Variants in TMEM232 observed in about 807,000 individuals in gnomAD.
The protein encoded by TMEM232 is transmembrane protein 232.
A neutral mutation model predicts 78.8 loss-of-function variants in TMEM232; 80 were observed. That is an observed-to-expected ratio of 1.01 (90% CI 0.85 to 1.22). The LOEUF is 1.22. Ranked by LOEUF, TMEM232 falls within the 50% of genes most tolerant of loss-of-function variation. TMEM232 has a pLI of 0.00. For missense variants in TMEM232, 881 were observed against 742.2 expected (o/e 1.19, Z -2.17); for synonymous variants, 297 against 254.3 (o/e 1.17, Z -1.60).
chr5:110,685,835 C>A (rs924784077), intron 1 of TMEM232, among the ~76,000 whole-genome samples: 1 of 152,062 alleles, frequency 6.6e-6, no homozygotes, highest in African/African-American at 2.4e-5. Context: ...ATTAATGCTA[C>A]AAGCAACGAC....
chr5:110,652,843 C>G (rs1017284823), intron 2 of TMEM232, among the ~76,000 whole-genome samples: 6 of 152,238 alleles, frequency 3.9e-5, no homozygotes, highest in African/African-American at 1.4e-4. Context: ...AAGGATTTCA[C>G]AAAGATAATC....
At chr5:110,592,296 T>C (rs1363914076) in intron 10 of TMEM232, among the ~76,000 whole-genome samples, 1 of 152,156 alleles carries the variant, frequency 6.6e-6, no homozygotes, top group Non-Finnish European at 1.5e-5. Flanking sequence ...CCTTGGGACA[T>C]CTTTACCTAA....
chr5:110,574,257 T>G (rs1485124979), intron 10 of TMEM232, among the ~76,000 whole-genome samples: 1 of 152,092 alleles, frequency 6.6e-6, no homozygotes, highest in Admixed American at 6.6e-5. Context: ...ACATTTTACC[T>G]TTTCGCTTCT....
At chr5:110,496,409 A>T (rs1765650746) in intron 12 of TMEM232, among the ~76,000 whole-genome samples, 1 of 152,010 alleles carries the variant, frequency 6.6e-6, no homozygotes, top group South Asian at 2.1e-4. Context: ...TAATTTTCAT[A>T]TCTGTAATGT....
At chr5:110,685,119 C>T (rs949650210) in intron 1 of TMEM232, among the ~76,000 whole-genome samples, 25 of 151,916 alleles carry the variant, frequency 1.6e-4, no homozygotes, top group African/African-American at 4.1e-4. Context: ...AGGTCACCTA[C>T]GGCTCAAAAA....
chr5:110,521,058 T>C (rs1010275849), intron 12 of TMEM232, among the ~76,000 whole-genome samples: 3 of 152,156 alleles, frequency 2.0e-5, no homozygotes, highest in African/African-American at 7.2e-5. Flanking sequence ...AGCTGAGAGC[T>C]GGGCTGGGCT....
chr5:110,586,640 C>T (rs1438677561), intron 10 of TMEM232, among the ~76,000 whole-genome samples: 1 of 151,496 alleles, frequency 6.6e-6, no homozygotes, highest in Admixed American at 6.6e-5. Flanking sequence ...ACATCAAAAA[C>T]ATTCTTAATA....
intron 12 of TMEM232, among the ~76,000 whole-genome samples, chr5:110,499,033 A>T (rs956630301): frequency 6.6e-6 from 1 of 152,200 alleles, no homozygotes; most frequent in African/African-American, 2.4e-5. Flanking sequence ...GTAATACCTT[A>T]AACAACTGCT....
At chr5:110,546,577 G>C (rs910111559) in intron 11 of TMEM232, among the ~76,000 whole-genome samples, 6 of 152,084 alleles carry the variant, frequency 3.9e-5, no homozygotes, top group African/African-American at 1.4e-4. Flanking sequence ...AATTAGGAAA[G>C]GAGAGGAAGA....
At chr5:110,661,938 T>C (rs985193724) in intron 2 of TMEM232, among the ~76,000 whole-genome samples, 3 of 152,162 alleles carry the variant, frequency 2.0e-5, no homozygotes, top group African/African-American at 7.2e-5. Flanking sequence ...GCCATTTGTA[T>C]GTCTTTTTTT....
chr5:110,611,633 T>C (rs1782289885), intron 8 of TMEM232, among the ~76,000 whole-genome samples: 1 of 152,124 alleles, frequency 6.6e-6, no homozygotes, highest in Non-Finnish European at 1.5e-5. Context: ...ATAATGGCAA[T>C]TTATGAGACA....
intron 2 of TMEM232, among the ~76,000 whole-genome samples, chr5:110,407,923 A>C (rs1580569066): frequency 6.6e-6 from 1 of 152,164 alleles, no homozygotes; most frequent in South Asian, 2.1e-4. Context: ...ATGGCTATAG[A>C]TGGAATCTTG....
intron 10 of TMEM232, among the ~76,000 whole-genome samples, chr5:110,591,421 T>C (rs1779514866): frequency 2.0e-5 from 3 of 152,156 alleles, no homozygotes; most frequent in Admixed American, 6.5e-5. Context: ...ACCTTATACA[T>C]AAATAAAGTA....
intron 1 of TMEM232, among the ~76,000 whole-genome samples, chr5:110,668,271 T>C (rs147549998): frequency 2.9e-4 from 44 of 152,186 alleles, no homozygotes; most frequent in Admixed American, 7.2e-4. Context: ...AAGAGGAAGA[T>C]AGACCAAGAC....
At chr5:110,442,862 A>T (rs576860414) in intron 12 of TMEM232, among the ~76,000 whole-genome samples, 23 of 152,264 alleles carry the variant, frequency 1.5e-4, no homozygotes, top group Non-Finnish European at 2.9e-4. Context: ...TGATTGTCTT[A>T]GATAAAATCC....
chr5:110,681,151 G>A (rs1209661380), intron 1 of TMEM232, among the ~76,000 whole-genome samples: 1 of 152,106 alleles, frequency 6.6e-6, no homozygotes, highest in African/African-American at 2.4e-5. Context: ...TTCTTCATGG[G>A]CTCACTGGTT....
At chr5:110,674,292 G>A (rs1287794320) in intron 1 of TMEM232, among the ~76,000 whole-genome samples, 10 of 152,274 alleles carry the variant, frequency 6.6e-5, no homozygotes, top group Admixed American at 5.9e-4. Flanking sequence ...TTTGATAAAT[G>A]TAGTAATAAA....
intron 1 of TMEM232, among the ~76,000 whole-genome samples, chr5:110,688,878 C>T (rs1793748308): frequency 1.3e-5 from 2 of 152,164 alleles, no homozygotes; most frequent in East Asian, 3.9e-4. Context: ...GCTAAAACTT[C>T]ACCATGGCAA....
rs756419125 is a variant in TMEM232 at position 110,545,677 on chromosome 5, C to G, written c.1456-16842G>C. Among the ~76,000 whole-genome samples, 3 of 151,996 alleles carry G rather than the reference C, an allele frequency of 2.0e-5. No individual in the cohort carries two copies. In the South Asian group the frequency reaches 6.2e-4, roughly 32 times the overall value. ...GAGCACATTAGGGATATGGAAATAT[C>G]ATTAAGAATAAAAACAAATTTTGTT... On this transcript the variant is annotated intron_variant, in intron 11 of 13. Transcript: ENST00000455884.
Sources: gnomAD v4.1 joint callset for allele counts (sites outside exome capture counted in the v4.1 genomes callset) on GRCh38, gnomAD v4.1.1 for gene constraint, MANE v1.5 for transcripts, NCBI Gene and HGNC (gene_info 2026-07-23, HGNC 2026-07-21) for gene names.